BANK1: variants seen among roughly 807,000 people sequenced by gnomAD.
The protein encoded by BANK1 is B-cell scaffold protein with ankyrin repeats.
Under a neutral mutation model 94.5 loss-of-function variants are expected in BANK1, and 95 were observed. The ratio of observed to expected loss-of-function variants is 1.00; its 90% CI spans 0.85 to 1.19. BANK1 has a LOEUF of 1.19. Among genes scored for constraint, BANK1 ranks in the 50% most tolerant of loss-of-function variants. BANK1 has a pLI of 0.00. For missense variants in BANK1, 987 were observed against 932.2 expected (o/e 1.06, Z -0.77); for synonymous variants, 334 against 308.4 (o/e 1.08, Z -0.87).
At chr4:101,958,847 A>ATACC (rs902693729) in intron 7 of BANK1, among the ~76,000 whole-genome samples, 1 of 152,218 alleles carries the variant, frequency 6.6e-6, no homozygotes, top group Non-Finnish European at 1.5e-5. Context: ...GGTAGACTGA[A>ATACC]TGACAGTGCA....
chr4:101,906,791 TC>T (rs969036385), intron 6 of BANK1, among the ~76,000 whole-genome samples: 4 of 152,142 alleles, frequency 2.6e-5, no homozygotes, highest in African/African-American at 9.7e-5. Flanking sequence ...CAGCTAGTTT[TC>T]TGTTCCAACT....
Position 101,847,736 on chromosome 4 carries a change from T to TACACACACACACACAC in BANK1, c.470-7275_470-7260dup, listed in dbSNP as rs35196238. On this transcript the variant is annotated intron_variant, in intron 2 of 16. Transcript: ENST00000322953. ...TTTATGTCTGCGTAGTATTCCATCA[T>TACACACACACACACAC]ACACACACACACACACACACACACA... 8.0e-4 allele frequency among the ~76,000 whole-genome samples: 116 copies of TACACACACACACACAC among 145,880 alleles called. 1 individual carries two copies. The highest frequency in any genetic ancestry group is 2.1e-3 in the African/African-American group (83 of 39,278).
chr4:101,984,012 G>A (rs1411733873), intron 7 of BANK1, among the ~76,000 whole-genome samples: 7 of 151,992 alleles, frequency 4.6e-5, no homozygotes, highest in Admixed American at 3.9e-4. Context: ...TGTTTACATA[G>A]ATAAGAGAGG....
intron 7 of BANK1, among the ~76,000 whole-genome samples, chr4:102,003,276 A>C (rs930342330): frequency 6.6e-6 from 1 of 152,202 alleles, no homozygotes; most frequent in Non-Finnish European, 1.5e-5. Flanking sequence ...GTGGATTAAA[A>C]CCATGACAGT....
intron 1 of BANK1, among the ~76,000 whole-genome samples, chr4:101,818,521 C>T (rs1489782908): frequency 1.3e-5 from 2 of 151,936 alleles, no homozygotes; most frequent in Non-Finnish European, 2.9e-5. Context: ...TCTGTAATTC[C>T]TTCAGGAATG....
chr4:101,996,064 G>A (rs1254518123), intron 7 of BANK1, among the ~76,000 whole-genome samples: 6 of 150,142 alleles, frequency 4.0e-5, no homozygotes, highest in Non-Finnish European at 6.0e-5. Flanking sequence ...TTCTTCTGGG[G>A]TTACATTTAA....
chr4:101,872,845 G>A (rs180692168), intron 5 of BANK1, among the ~76,000 whole-genome samples: 33 of 151,996 alleles, frequency 2.2e-4, no homozygotes, highest in African/African-American at 2.9e-4. Flanking sequence ...AAAATTAGCC[G>A]AGCATGGTGA....
At position 102,040,516 on chromosome 4, in the gene BANK1, AG is replaced by A. The variant is rs141867205; in HGVS notation, c.1901-3322del. On this transcript the variant is annotated intron_variant, in intron 10 of 16. Coordinates refer to ENST00000322953, the MANE Select transcript of BANK1 (RefSeq NM_017935.5). The stretch of plus-strand genomic sequence containing the variant: ...AAAAATAAGATTTCACTGGGGAGAG[AG>A]TCAGCAAAGTTGACATATATCCTAA... 5.8e-3 allele frequency among the ~76,000 whole-genome samples: 878 copies of A among 152,136 alleles called. 21 individuals are homozygous for A. In the East Asian group the frequency reaches 0.065, roughly 11 times the overall value.
intron 7 of BANK1, among the ~76,000 whole-genome samples, chr4:101,928,536 C>G (rs191000535): frequency 2.0e-5 from 3 of 151,716 alleles, no homozygotes; most frequent in Admixed American, 2.0e-4. Context: ...ACACTTCTCC[C>G]TTTGTTAGTG....
intron 1 of BANK1, among the ~76,000 whole-genome samples, chr4:101,791,594 C>T (rs781228464): frequency 6.6e-6 from 1 of 152,220 alleles, no homozygotes; most frequent in Non-Finnish European, 1.5e-5. Context: ...ATTTCAAATG[C>T]ATTTGCAAAT....
chr4:102,037,293 G>C (rs959247784), intron 10 of BANK1, among the ~76,000 whole-genome samples: 1 of 152,184 alleles, frequency 6.6e-6, no homozygotes, highest in Non-Finnish European at 1.5e-5. Flanking sequence ...CCAGTCTAAA[G>C]TGTCAACAGT....
intron 2 of BANK1, among the ~76,000 whole-genome samples, chr4:101,845,783 A>G (rs983197198): frequency 1.6e-4 from 25 of 152,242 alleles, no homozygotes; most frequent in African/African-American, 6.0e-4. Context: ...GCAATGTCAA[A>G]TAAGGTATAA....
intron 1 of BANK1, among the ~76,000 whole-genome samples, chr4:101,812,073 T>C (rs1020591666): frequency 6.6e-6 from 1 of 152,014 alleles, no homozygotes; most frequent in African/African-American, 2.4e-5. Flanking sequence ...ATAATACTTA[T>C]GAATGATTAT....
chr4:102,026,324 T>C (rs574496835), intron 9 of BANK1, among the ~76,000 whole-genome samples: 22 of 152,180 alleles, frequency 1.4e-4, no homozygotes, highest in Non-Finnish European at 2.9e-4. Context: ...TCCAAATTTA[T>C]ATTTATTTTC....
At chr4:101,886,009 T>C (rs987083311) in intron 5 of BANK1, among the ~76,000 whole-genome samples, 1 of 152,198 alleles carries the variant, frequency 6.6e-6, no homozygotes, top group Non-Finnish European at 1.5e-5. Flanking sequence ...ATATAAAATA[T>C]TTTTAAAAAG....
chr4:101,930,797 T>C (rs552038238), intron 7 of BANK1, among the ~76,000 whole-genome samples: 165 of 151,666 alleles, frequency 1.1e-3, no homozygotes, highest in Non-Finnish European at 2.1e-3. Flanking sequence ...TGCTTTAACA[T>C]GGCACTAGAT....
chr4:101,892,769 T>G (rs1467752336), intron 5 of BANK1, among the ~76,000 whole-genome samples: 1 of 151,928 alleles, frequency 6.6e-6, no homozygotes, highest in Non-Finnish European at 1.5e-5. Flanking sequence ...GGTTGCACAA[T>G]TTATTATAAG....
chr4:101,903,975 A>G (rs1722363509), intron 6 of BANK1, among the ~76,000 whole-genome samples: 1 of 152,236 alleles, frequency 6.6e-6, no homozygotes, highest in South Asian at 2.1e-4. Flanking sequence ...TCATCCATAT[A>G]GTGAATAATG....
intron 5 of BANK1, among the ~76,000 whole-genome samples, chr4:101,884,651 G>A (rs1314726760): frequency 1.3e-5 from 2 of 152,068 alleles, no homozygotes; most frequent in Non-Finnish European, 2.9e-5. Flanking sequence ...TTTAAAAACC[G>A]CAAACATAAG....
Sources: allele counts gnomAD v4.1 joint callset (sites outside exome capture counted in the v4.1 genomes callset), GRCh38; gene constraint gnomAD v4.1.1; transcripts MANE v1.5; gene names NCBI Gene and HGNC (gene_info 2026-07-23, HGNC 2026-07-21).